LCT: variants seen among roughly 807,000 people sequenced by gnomAD.
LCT encodes the protein lactase, also known as lactase/phlorizin hydrolase.
LCT carries 90 observed loss-of-function variants against 173.0 expected under a neutral mutation model. The ratio of observed to expected loss-of-function variants is 0.52; its 90% CI spans 0.44 to 0.62. The LOEUF (loss-of-function observed/expected upper bound fraction) is 0.62, where lower values mean the gene tolerates loss of function less well. Among genes scored for constraint, LCT ranks in the 20% least tolerant of loss-of-function variants. LCT has a pLI of 0.00. For synonymous variants in LCT, 853 were observed against 957.6 expected (o/e 0.89, Z 2.02); for missense variants, 1,864 against 2,431.4 (o/e 0.77, Z 4.91).
intron 14 of LCT, among the ~76,000 whole-genome samples, chr2:135,793,880 C>T (rs1456869325): frequency 4.0e-5 from 6 of 151,714 alleles, no homozygotes; most frequent in Non-Finnish European, 5.9e-5. Flanking sequence ...ACCAGCCTGA[C>T]CAACATGGAG....
intron 5 of LCT, among the ~76,000 whole-genome samples, chr2:135,821,296 A>C (rs4954452): frequency 6.6e-6 from 1 of 152,218 alleles, no homozygotes; most frequent in Non-Finnish European, 1.5e-5. Flanking sequence ...GAATGTTGTC[A>C]AGTTAGGCAT....
chr2:135,808,592 C>T lies in LCT; in HGVS notation c.3755G>A (p.Gly1252Glu). ...STAMNRAAPW[G>E]TRRLLNWIKE... ...GATCCAGTTCAGCAGCCTTCGCGTC[C>T]CCCAGGGCGCAGCTCTGTTCATTGC... is the stretch of plus-strand genomic sequence containing the variant. The change falls in exon 8 of 17, where the codon GGG (glycine) becomes GAG (glutamate). Residue 1252 changes from glycine to glutamate, a missense_variant. Transcript: ENST00000264162. 1 of 1,614,212 alleles carries T rather than the reference C, an allele frequency of 6.2e-7. No individual in the cohort carries two copies. Among genetic ancestry groups the T allele is most frequent in the Non-Finnish European group, 8.5e-7 (1 of 1,180,036 alleles).
At position 135,797,866 on chromosome 2, in the gene LCT, C is replaced by A. The variant is rs574520068; in HGVS notation, c.4976+163G>T. ...ATAATAACCATAATAGCAAACCCCT[C>A]TGTCAAGCATATAGCAGTGCCAGGT... On this transcript the variant is annotated intron_variant, in intron 13 of 16. Coordinates refer to ENST00000264162, the MANE Select transcript of LCT (RefSeq NM_002299.4). 3.3e-4 allele frequency among the ~76,000 whole-genome samples: 51 copies of A among 152,334 alleles called. No homozygotes were observed. The South Asian group carries it at 0.01, about 31-fold the overall frequency.
chr2:135,798,718 C>A (rs568321117), intron 12 of LCT, among the ~76,000 whole-genome samples: 1 of 152,324 alleles, frequency 6.6e-6, no homozygotes, highest in African/African-American at 2.4e-5. Context: ...ACGTGGCACC[C>A]AAACACTATG....
chr2:135,803,847 G>A (rs559432198), intron 11 of LCT, 83 bp downstream of exon 11: 46 of 1,315,626 alleles, frequency 3.5e-5, no homozygotes, highest in Middle Eastern at 2.0e-4. Context: ...TGGTTGCCTC[G>A]TCCTGTGCCA....
At chr2:135,803,909 T>C (rs959230705) in intron 11 of LCT, 21 bp downstream of exon 11, 1 of 1,606,484 alleles carries the variant, frequency 6.2e-7, no homozygotes, top group Non-Finnish European at 8.5e-7. Flanking sequence ...AAAGAGCCTA[T>C]GAGCCAGGGC....
intron 1 of LCT, among the ~76,000 whole-genome samples, chr2:135,835,210 C>A (rs930400857): frequency 1.1e-4 from 17 of 151,958 alleles, no homozygotes; most frequent in African/African-American, 3.9e-4. Context: ...CAATGGGAAC[C>A]TAAAAGACCA....
chr2:135,816,243 C>T (rs1293418928), intron 6 of LCT, among the ~76,000 whole-genome samples: 3 of 152,210 alleles, frequency 2.0e-5, no homozygotes, highest in Non-Finnish European at 4.4e-5. Context: ...TTGCCTCTTC[C>T]CTCTCTGCCT....
chr2:135,797,864 C>T (rs1225303319), intron 13 of LCT, among the ~76,000 whole-genome samples, 165 bp downstream of exon 13: 1 of 152,186 alleles, frequency 6.6e-6, no homozygotes, highest in Admixed American at 6.5e-5. Flanking sequence ...TAGCAAACCC[C>T]TCTGTCAAGC....
At chr2:135,822,201 A>C in intron 4 of LCT, 103 bp from the exon 5 acceptor site, 1 of 780,260 alleles carries the variant, frequency 1.3e-6, no homozygotes, top group Non-Finnish European at 2.3e-6. Flanking sequence ...CCCAAACTCC[A>C]AGCAGTGGTT....
intron 13 of LCT, among the ~76,000 whole-genome samples, chr2:135,795,880 C>G (rs2077577984): frequency 6.6e-6 from 1 of 152,050 alleles, no homozygotes; most frequent in South Asian, 2.1e-4. Flanking sequence ...CTCACCTCAG[C>G]CTCCCAAGTA....
intron 9 of LCT, among the ~76,000 whole-genome samples, chr2:135,806,321 A>C (rs975499444): frequency 1.3e-5 from 2 of 152,224 alleles, no homozygotes; most frequent in African/African-American, 4.8e-5. Flanking sequence ...AAGAGTAAAA[A>C]AGTTTAAAGA....
chr2:135,832,435 A>T (rs905662691), intron 2 of LCT, among the ~76,000 whole-genome samples: 5 of 151,744 alleles, frequency 3.3e-5, no homozygotes, highest in African/African-American at 1.2e-4. Flanking sequence ...CTGTAAAAAA[A>T]TAAATAAATA....
intron 7 of LCT, among the ~76,000 whole-genome samples, chr2:135,811,274 C>T (rs576296738): frequency 1.3e-5 from 2 of 152,044 alleles, no homozygotes; most frequent in Non-Finnish European, 2.9e-5. Flanking sequence ...AATGGTGACC[C>T]CCGAAAGATA....
At chr2:135,828,359 C>A (rs2077904576) in intron 3 of LCT, among the ~76,000 whole-genome samples, 1 of 152,172 alleles carries the variant, frequency 6.6e-6, no homozygotes, top group Admixed American at 6.5e-5. Flanking sequence ...CTCAGGTAAA[C>A]CATCCTCCTT....
chr2:135,817,253 G>T, intron 6 of LCT, 88 bp downstream of exon 6: 1 of 1,450,798 alleles, frequency 6.9e-7, no homozygotes, highest in Non-Finnish European at 9.4e-7. Flanking sequence ...GTAAAGGCTT[G>T]CTGATGGAAG....
At chr2:135,796,029 G>C (rs2077579128) in intron 13 of LCT, among the ~76,000 whole-genome samples, 2 of 152,224 alleles carry the variant, frequency 1.3e-5, no homozygotes, top group African/African-American at 4.8e-5. Context: ...CCAAAGTGCT[G>C]AGATTACTTG....
intron 6 of LCT, among the ~76,000 whole-genome samples, chr2:135,816,546 C>T (rs2077782654): frequency 1.3e-5 from 2 of 152,328 alleles, no homozygotes; most frequent in East Asian, 1.9e-4. Flanking sequence ...CTGGTGGCAT[C>T]GCTTGTGCTC....
chr2:135,810,687 A>G (rs1351725702), intron 7 of LCT, among the ~76,000 whole-genome samples: 2 of 151,932 alleles, frequency 1.3e-5, no homozygotes, highest in Non-Finnish European at 2.9e-5. Flanking sequence ...TAAAAAAGAA[A>G]TAAAGCAGCC....
Sources: allele counts gnomAD v4.1 joint callset (sites outside exome capture counted in the v4.1 genomes callset), GRCh38; gene constraint gnomAD v4.1.1; transcripts MANE v1.5; gene names NCBI Gene and HGNC (gene_info 2026-07-23, HGNC 2026-07-21).